PDE8B: variants seen among roughly 807,000 people sequenced by gnomAD.
PDE8B encodes high affinity cAMP-specific and IBMX-insensitive 3',5'-cyclic phosphodiesterase 8B.
A neutral mutation model predicts 101.3 loss-of-function variants in PDE8B; 26 were observed. The ratio of observed to expected loss-of-function variants is 0.26; its 90% CI spans 0.19 to 0.36. The LOEUF (loss-of-function observed/expected upper bound fraction) is 0.36. Ranked by LOEUF, PDE8B falls within the 10% of genes least tolerant of loss-of-function variation. The probability of loss-of-function intolerance (pLI) is 1.00; values close to 1 mark genes in which losing one functional copy is unlikely to be tolerated. For missense variants in PDE8B, 810 were observed against 1,163.1 expected (o/e 0.70, Z 4.42); for synonymous variants, 424 against 429.3 (o/e 0.99, Z 0.15).
the PDE8B span, among the ~76,000 whole-genome samples, chr5:77,168,155 T>A: frequency 6.6e-6 from 1 of 152,242 alleles, no homozygotes; most frequent in Admixed American, 6.5e-5. Context: ...ACAGGGACGA[T>A]ACGAGAGTCT....
Position 77,412,236 on chromosome 5 carries a change from G to A in PDE8B, c.1712+1G>A, listed in dbSNP as rs769945903. The A allele has an allele frequency of 6.2e-7, 1 of 1,614,094 alleles. No individual in the cohort carries two copies. The highest frequency in any genetic ancestry group is 8.5e-7 in the Non-Finnish European group (1 of 1,179,978). On this transcript the variant is annotated splice_donor_variant, in intron 16 of 21. Coordinates refer to ENST00000264917, the MANE Select transcript of PDE8B (RefSeq NM_003719.5). LOFTEE classifies it high-confidence loss of function. ...AATTGGAAGCCATTACGCATAAAAG[G>A]TATGTGACTTCTCTGGCTGAAGGCA...
At chr5:77,329,689 C>A (rs1776745651) in intron 4 of PDE8B, among the ~76,000 whole-genome samples, 2 of 152,186 alleles carry the variant, frequency 1.3e-5, no homozygotes, top group Non-Finnish European at 2.9e-5. Flanking sequence ...GAAAAGTTGT[C>A]TGTGCAAGCT....
intron 11 of PDE8B, among the ~76,000 whole-genome samples, chr5:77,401,680 A>G (rs529954314): frequency 5.3e-5 from 8 of 151,876 alleles, no homozygotes; most frequent in Non-Finnish European, 1.2e-4. Flanking sequence ...TTTTTTTTCA[A>G]TTGGTGGCAC....
the PDE8B span, among the ~76,000 whole-genome samples, chr5:77,185,855 C>T: frequency 2.0e-5 from 3 of 152,130 alleles, no homozygotes; most frequent in Non-Finnish European, 2.9e-5. Flanking sequence ...AATGTGAAGC[C>T]GAGTGGCTGT....
At chr5:77,373,999 C>T (rs757764318) in intron 10 of PDE8B, among the ~76,000 whole-genome samples, 21 of 152,168 alleles carry the variant, frequency 1.4e-4, no homozygotes, top group Non-Finnish European at 3.1e-4. Context: ...TACAGGCATG[C>T]GCCACCATGC....
chr5:77,301,205 G>C (rs1463057554), intron 1 of PDE8B, among the ~76,000 whole-genome samples: 1 of 152,204 alleles, frequency 6.6e-6, no homozygotes, highest in African/African-American at 2.4e-5. Context: ...TTCCCATGGA[G>C]ACAAGCAGGG....
chr5:77,425,564 A>C (rs574022224), intron 20 of PDE8B, among the ~76,000 whole-genome samples: 4 of 152,156 alleles, frequency 2.6e-5, no homozygotes, highest in African/African-American at 9.7e-5. Context: ...AAAACAAAAA[A>C]AGAGGCTTGA....
chr5:77,337,172 ACTCT>A, intron 5 of PDE8B, 51 bp from the exon 6 acceptor site: 1 of 945,740 alleles, frequency 1.1e-6, no homozygotes, highest in South Asian at 1.4e-5. Context: ...TCTCTATTTG[ACTCT>A]CTAAGAAGTA....
chr5:77,368,233 C>T (rs934140106), intron 10 of PDE8B, among the ~76,000 whole-genome samples: 1 of 152,200 alleles, frequency 6.6e-6, no homozygotes, highest in Non-Finnish European at 1.5e-5. Flanking sequence ...ATCCATCCTG[C>T]ACCCCCTTCC....
chr5:77,168,795 C>G, the PDE8B span, among the ~76,000 whole-genome samples: 3 of 152,182 alleles, frequency 2.0e-5, no homozygotes, highest in African/African-American at 7.2e-5. Flanking sequence ...AACATGGGTC[C>G]CTCCTCCCAC....
At chr5:77,189,310 G>A in the PDE8B span, among the ~76,000 whole-genome samples, 582 of 152,228 alleles carry the variant, frequency 3.8e-3, 4 homozygotes, top group African/African-American at 0.013. Flanking sequence ...TTCAAGTGTT[G>A]GGATAAAGTC....
At chr5:77,330,986 C>A (rs539577024) in intron 4 of PDE8B, among the ~76,000 whole-genome samples, 1 of 152,318 alleles carries the variant, frequency 6.6e-6, no homozygotes, top group Non-Finnish European at 1.5e-5. Context: ...CTGTCTTCCT[C>A]ATGTTGAGAG....
At chr5:77,369,826 A>G (rs1784770914) in intron 10 of PDE8B, among the ~76,000 whole-genome samples, 1 of 152,012 alleles carries the variant, frequency 6.6e-6, no homozygotes, top group Admixed American at 6.5e-5. Context: ...ACTTTTTGTA[A>G]GTCATGGGGG....
At chr5:77,266,705 A>G (rs1761777939) in intron 1 of PDE8B, among the ~76,000 whole-genome samples, 1 of 152,202 alleles carries the variant, frequency 6.6e-6, no homozygotes, top group African/African-American at 2.4e-5. Context: ...ATGATTCAAT[A>G]TTTATGAATT....
rs1445937596 is a variant in PDE8B, at chr5:77,409,031, A to G, written c.1504A>G (p.Ser502Gly). Residue 502 changes from serine (S) to glycine (G), a missense_variant, in exon 14 of 22, where the codon AGT (serine) becomes GGT (glycine). This residue lies in a region of PDE8B where 325 missense variants were observed against 560.9 expected (regional missense o/e 0.58). Transcript: ENST00000264917. ...LGTKDEDPHT[S>G]DLVGGLMTDG... ...TACCAAAGATGAAGATCCCCACACCAGTGATCTTGTTGGAGGCCTGATGAC... is the reference window on the plus strand; with the variant it reads ...TACCAAAGATGAAGATCCCCACACCGGTGATCTTGTTGGAGGCCTGATGAC... 3.7e-6 allele frequency: 6 copies of G among 1,613,924 alleles called. No homozygotes were observed. The highest frequency in any genetic ancestry group is 5.1e-6 in the Non-Finnish European group (6 of 1,179,814).
At chr5:77,308,492 G>A (rs544284030) in intron 1 of PDE8B, among the ~76,000 whole-genome samples, 5 of 152,262 alleles carry the variant, frequency 3.3e-5, no homozygotes, top group East Asian at 1.9e-4. Flanking sequence ...CCCCACTTCC[G>A]GGCTCTGCTG....
At chr5:77,115,581 TGGTG>T in the PDE8B span, among the ~76,000 whole-genome samples, 2 of 152,332 alleles carry the variant, frequency 1.3e-5, no homozygotes, top group South Asian at 4.1e-4. Flanking sequence ...ACATCACTTA[TGGTG>T]GGTACTTTCT....
In PDE8B at chr5:77,416,893, A is replaced by C. The variant is rs187228260; in HGVS notation, c.1912-1336A>C. ...CATCTTGGGGACCACTTTCCCTCTC[A>C]CTATCCCTTCAGCCACAGTGATGTC... On this transcript the variant is annotated intron_variant, in intron 17 of 21. Transcript: ENST00000264917. Among the ~76,000 whole-genome samples the C allele has an allele frequency of 2.9e-4, 44 of 152,098 alleles. 1 individual carries two copies. The East Asian group carries it at 3.9e-3, about 13-fold the overall frequency.
the PDE8B span, among the ~76,000 whole-genome samples, chr5:77,168,353 A>G: frequency 6.6e-6 from 1 of 152,204 alleles, no homozygotes; most frequent in Non-Finnish European, 1.5e-5. Context: ...GCCAGGGAGC[A>G]GCGAGGCTGC....
Sources: allele counts gnomAD v4.1 joint callset (sites outside exome capture counted in the v4.1 genomes callset), GRCh38; gene constraint gnomAD v4.1.1; regional missense constraint gnomAD v4.1.1; transcripts MANE v1.5; gene names NCBI Gene and HGNC (gene_info 2026-07-23, HGNC 2026-07-21).